RDH13: variants seen among roughly 807,000 people sequenced by gnomAD.
RDH13 encodes the protein retinol dehydrogenase 13.
RDH13 carries 35 observed loss-of-function variants against 28.3 expected under a neutral mutation model. The ratio of observed to expected loss-of-function variants is 1.24; its 90% CI spans 0.95 to 1.64. RDH13 has a LOEUF of 1.64. RDH13 is among the 40% of genes most tolerant of loss of function. The pLI, the probability that RDH13 is intolerant of heterozygous loss-of-function variation, is 0.00. For synonymous variants in RDH13, 229 were observed against 198.5 expected, an observed-to-expected ratio of 1.15 and a Z score of -1.29; for missense variants, 514 against 446.3, an observed-to-expected ratio of 1.15 and a Z score of -1.37.
intron 3 of RDH13, chr19:55,050,922 C>T (rs939812499): frequency 1.3e-5 from 2 of 150,186 alleles, no homozygotes; most frequent in Non-Finnish European, 2.9e-5. Context: ...GCAGGACAGA[C>T]AGGTTCAAAG....
Position 55,058,302 on chromosome 19 carries a change from T to C in RDH13, c.184+855A>G, listed in dbSNP as rs145692399. Among the ~76,000 whole-genome samples, 1,072 of 151,362 alleles carry C rather than the reference T, an allele frequency of 7.1e-3. 23 individuals carry two copies. Among genetic ancestry groups the C allele is most frequent in the African/African-American group, 0.025 (1,020 of 41,238 alleles). The stretch of plus-strand genomic sequence containing the variant: ...ACTCGGGTGGCTGAGGCAGGAGAAT[T>C]GCTTGAACCCGGGAGGCGAAGGTTG... On this transcript the variant is annotated intron_variant, in intron 2 of 6. Transcript: ENST00000415061.
At chr19:55,066,419 CCT>C (rs1408148966), upstream of RDH13, among the ~76,000 whole-genome samples, 1 of 149,100 alleles carries the variant, frequency 6.7e-6, no homozygotes, top group African/African-American at 2.5e-5. Flanking sequence ...CTTTTCTCTT[CCT>C]CTCTCCCTCT....
chr19:55,051,421 G>T lies in RDH13; in HGVS notation c.341-2658C>A, dbSNP rs562634062. On this transcript the variant is annotated intron_variant, in intron 3 of 6. Coordinates refer to ENST00000415061, the MANE Select transcript of RDH13 (RefSeq NM_001145971.2). ...CGCCAGCTTCTGGTGTTTTGTTTTG[G>T]TTTTTTTTCTTTTTTTTTTTGAGAT... 1.0e-3 allele frequency among the ~76,000 whole-genome samples: 153 copies of T among 149,974 alleles called. 2 individuals are homozygous for T. In the South Asian group the frequency reaches 0.018, roughly 18 times the overall value.
chr19:55,047,190 T>G, intron 6 of RDH13, 197 bp downstream of exon 6: 1 of 1,402,776 alleles, frequency 7.1e-7, no homozygotes, highest in Non-Finnish European at 9.3e-7. Context: ...GGGCTCTGCC[T>G]GCTTCCCGGG....
In RDH13 at chr19:55,045,240, G is replaced by A. The variant is rs1262155806; in HGVS notation, c.830C>T (p.Ala277Val). The A allele has an allele frequency of 2.1e-5, 34 of 1,613,382 alleles. No individual in the cohort carries two copies. Among genetic ancestry groups the A allele is most frequent in the South Asian group, 4.4e-5 (4 of 91,082 alleles). The change falls in exon 7 of 7, where the codon GCG (alanine) becomes GTG (valine). Residue 277 changes from alanine (A) to valine (V), a missense_variant. Transcript: ENST00000415061. ...AAQPSTYLAV[A>V]EELADVSGKY... The stretch of plus-strand genomic sequence containing the variant: ...TCCGGAAACATCCGCCAGTTCCTCC[G>A]CCACGGCCAGGTATGTGCTGGGCTG...
chr19:55,066,361 T>G (rs1476595089), upstream of RDH13, among the ~76,000 whole-genome samples: 1 of 152,110 alleles, frequency 6.6e-6, no homozygotes, highest in Non-Finnish European at 1.5e-5. Flanking sequence ...CTCATTCACA[T>G]TCTGTCTCTC....
chr19:55,057,894 C>G (rs1399897586), intron 2 of RDH13, among the ~76,000 whole-genome samples: 3 of 150,934 alleles, frequency 2.0e-5, no homozygotes, highest in Non-Finnish European at 2.9e-5. Context: ...GCCTTGAACT[C>G]CTAGGCTCAA....
At chr19:55,053,573 C>T (rs1296977489) in intron 3 of RDH13, among the ~76,000 whole-genome samples, 2 of 151,430 alleles carry the variant, frequency 1.3e-5, no homozygotes, top group Non-Finnish European at 2.9e-5. Context: ...AGGAGAATGG[C>T]ATGAACCCGG....
intron 1 of RDH13, among the ~76,000 whole-genome samples, chr19:55,061,863 A>G (rs2075817383): frequency 6.6e-6 from 1 of 152,054 alleles, no homozygotes; most frequent in Non-Finnish European, 1.5e-5. Context: ...CACGCCTGTA[A>G]CCCCAGCACT....
At chr19:55,069,365 C>T (rs374870586) in exon 1 of RDH13, 1 of 152,304 alleles carries the variant, frequency 6.6e-6, no homozygotes, top group African/African-American at 2.4e-5. Flanking sequence ...TGGGCTTCCT[C>T]ACCGCCGATG....
chr19:55,044,100 A>G (rs1397069300), downstream of RDH13: 1 of 151,934 alleles, frequency 6.6e-6, no homozygotes, highest in Non-Finnish European at 1.5e-5. Context: ...GTATTTTTTT[A>G]GTAGAAACAG....
In RDH13 at chr19:55,059,054, G is replaced by A. The variant is rs2075727317; in HGVS notation, c.184+103C>T. The A allele has an allele frequency of 4.1e-6, 3 of 723,464 alleles. No homozygotes were observed. The African/African-American group carries it at 5.2e-5, about 13-fold the overall frequency. 44.8% of individuals were successfully genotyped at this position (723,464 alleles called of 1,614,324 possible). On this transcript the variant is annotated intron_variant, in intron 2 of 6. Coordinates refer to ENST00000415061, the MANE Select transcript of RDH13 (RefSeq NM_001145971.2). ...ACATTCTGTTTCCCTGTTCATCTGTGGATGGGTGCCTGGGTTCCTTCCACC... is the reference window on the plus strand; with the variant it reads ...ACATTCTGTTTCCCTGTTCATCTGTAGATGGGTGCCTGGGTTCCTTCCACC...
In RDH13 at chr19:55,057,813, A is replaced by T. The variant is rs1201737320; in HGVS notation, c.185-1005T>A. On this transcript the variant is annotated intron_variant, in intron 2 of 6. Coordinates refer to ENST00000415061, the MANE Select transcript of RDH13 (RefSeq NM_001145971.2). The stretch of plus-strand genomic sequence containing the variant: ...CCCCCTTTTCTTTTTGTTTATTATT[A>T]TTTTTTTTTTTTTGAGTCAGTCTCA... 9.4e-4 allele frequency among the ~76,000 whole-genome samples: 134 copies of T among 142,090 alleles called. 1 individual carries two copies. The highest frequency in any genetic ancestry group is 5.6e-3 in the South Asian group (25 of 4,458). The allele number at this position is 142,090 out of a possible 152,430, so 93.2% of individuals were successfully genotyped here.
upstream of RDH13, among the ~76,000 whole-genome samples, chr19:55,064,815 G>T (rs1360397274): frequency 6.7e-6 from 1 of 150,112 alleles, no homozygotes; most frequent in African/African-American, 2.4e-5. Flanking sequence ...GTTTCACCAT[G>T]TTGGCCAGGT....
intron 6 of RDH13, 63 bp from the exon 7 acceptor site, chr19:55,045,372 TC>T: frequency 1.5e-6 from 2 of 1,368,916 alleles, no homozygotes; most frequent in South Asian, 1.3e-5. Flanking sequence ...GAAGCCCCGC[TC>T]CCCGGTCAGG....
chr19:55,044,787 G>A lies in RDH13; in HGVS notation c.*287C>T, dbSNP rs2075146772. 2.3e-6 allele frequency: 1 copy of A among 443,498 alleles called. No homozygotes were observed. The highest frequency in any genetic ancestry group is 2.0e-5 in the African/African-American group (1 of 49,606). The allele number at this position is 443,498 out of a possible 1,614,324, so 27.5% of individuals were successfully genotyped here. ...TCCTGACGTGGCCTGCAAGTGCACGGAGCCCCTTCCTCCTCGGCCATTCCC... is the reference window on the plus strand; with the variant it reads ...TCCTGACGTGGCCTGCAAGTGCACGAAGCCCCTTCCTCCTCGGCCATTCCC... On this transcript the variant is annotated 3_prime_UTR_variant, in exon 7 of 7. Coordinates refer to ENST00000415061, the MANE Select transcript of RDH13 (RefSeq NM_001145971.2).
chr19:55,048,088 G>A lies in RDH13; in HGVS notation c.658+241C>T, dbSNP rs570631685. On this transcript the variant is annotated intron_variant, in intron 5 of 6. Coordinates refer to ENST00000415061, the MANE Select transcript of RDH13 (RefSeq NM_001145971.2). ...CTGAGCTGCCTGCCCAACAGCAGCA[G>A]GGAAGGACATCTGATCCAGGCAGAC... The A allele has an allele frequency of 1.0e-5, 15 of 1,504,074 alleles. 1 individual carries two copies. The Admixed American group carries it at 2.8e-4, about 28-fold the overall frequency. 93.2% of individuals were successfully genotyped at this position (1,504,074 alleles called of 1,614,324 possible).
At chr19:55,053,538 C>A (rs1205231122) in intron 3 of RDH13, among the ~76,000 whole-genome samples, 3 of 151,886 alleles carry the variant, frequency 2.0e-5, no homozygotes, top group Admixed American at 6.6e-5. Context: ...CGCCTGTAGT[C>A]CCCCGCCACT....
chr19:55,056,370 C>G (rs541326672), intron 3 of RDH13, among the ~76,000 whole-genome samples: 2 of 151,940 alleles, frequency 1.3e-5, no homozygotes, highest in Non-Finnish European at 2.9e-5. Flanking sequence ...GGCTGAGGTC[C>G]GCGCTTGAAC....
Sources: allele counts gnomAD v4.1 joint callset (sites outside exome capture counted in the v4.1 genomes callset), GRCh38; gene constraint gnomAD v4.1.1; transcripts MANE v1.5; gene names NCBI Gene and HGNC (gene_info 2026-07-23, HGNC 2026-07-21).